PCDHA11: variants seen among roughly 807,000 people sequenced by gnomAD.
PCDHA11 encodes the protein protocadherin alpha 11.
In PCDHA11, 61 loss-of-function variants were observed where a neutral mutation model predicts 70.3. The observed-to-expected ratio is 0.87, with a 90% confidence interval of 0.71 to 1.07. The LOEUF (loss-of-function observed/expected upper bound fraction) is 1.07, where lower values mean the gene tolerates loss of function less well. Among genes scored for constraint, PCDHA11 ranks in the 50% least tolerant of loss-of-function variants. The pLI is 0.00. For synonymous variants in PCDHA11, 633 were observed against 555.1 expected, an observed-to-expected ratio of 1.14 and a Z score of -1.97; for missense variants, 1,324 against 1,237.5, an observed-to-expected ratio of 1.07 and a Z score of -1.05.
chr5:140,897,461 A>G (rs1374397258), intron 1 of PCDHA11, among the ~76,000 whole-genome samples: 5 of 151,630 alleles, frequency 3.3e-5, no homozygotes, highest in African/African-American at 4.8e-5. Flanking sequence ...TCCTTGCGAT[A>G]GTTTACTGAG....
chr5:140,959,085 G>A (rs1286885776), intron 1 of PCDHA11, among the ~76,000 whole-genome samples: 8 of 151,980 alleles, frequency 5.3e-5, no homozygotes, highest in African/African-American at 1.9e-4. Flanking sequence ...ATTATCCTTG[G>A]TTTCGGACAT....
chr5:140,895,733 G>C (rs1554186620), intron 1 of PCDHA11, among the ~76,000 whole-genome samples: 1 of 152,030 alleles, frequency 6.6e-6, no homozygotes, highest in Non-Finnish European at 1.5e-5. Context: ...CCATTCAATG[G>C]GCTGCAAAGG....
chr5:140,958,799 C>T (rs889190378), intron 1 of PCDHA11, among the ~76,000 whole-genome samples: 3 of 152,104 alleles, frequency 2.0e-5, no homozygotes, highest in African/African-American at 7.2e-5. Context: ...AGTAAATTAT[C>T]ACACCATTCT....
At chr5:140,889,054 T>C in intron 1 of PCDHA11, among the ~76,000 whole-genome samples, 1 of 152,100 alleles carries the variant, frequency 6.6e-6, no homozygotes, top group Non-Finnish European at 1.5e-5. Flanking sequence ...TTTATAATCC[T>C]TTTAATATAC....
intron 1 of PCDHA11, among the ~76,000 whole-genome samples, chr5:140,977,204 A>G (rs1051271481): frequency 9.9e-5 from 15 of 152,170 alleles, no homozygotes; most frequent in Non-Finnish European, 1.6e-4. Context: ...AGTTGCAGCA[A>G]TTTTCATCAT....
chr5:140,989,004 CTTA>C (rs1445940440), intron 3 of PCDHA11: 15 of 152,184 alleles, frequency 9.9e-5, no homozygotes, highest in African/African-American at 3.4e-4. Context: ...GAAATAGAGA[CTTA>C]TTATAGTTTC....
chr5:140,902,324 C>T (rs1554190388), intron 1 of PCDHA11, among the ~76,000 whole-genome samples: 1 of 151,472 alleles, frequency 6.6e-6, no homozygotes, highest in Non-Finnish European at 1.5e-5. Flanking sequence ...AGGTGTAACT[C>T]ACTTCGCCTG....
At chr5:140,998,696 C>G (rs1587806526) in intron 3 of PCDHA11, among the ~76,000 whole-genome samples, 1 of 152,182 alleles carries the variant, frequency 6.6e-6, no homozygotes, top group East Asian at 1.9e-4. Flanking sequence ...TCCCAAGTAG[C>G]TGGGATTACA....
intron 1 of PCDHA11, among the ~76,000 whole-genome samples, chr5:140,976,893 A>G (rs1240555240): frequency 2.0e-5 from 3 of 152,212 alleles, no homozygotes; most frequent in African/African-American, 7.2e-5. Context: ...GATACATGCA[A>G]CAGTATGTAA....
At chr5:140,987,429 G>A (rs1402576200) in intron 3 of PCDHA11, among the ~76,000 whole-genome samples, 1 of 152,096 alleles carries the variant, frequency 6.6e-6, no homozygotes, top group Non-Finnish European at 1.5e-5. Context: ...GAAGCAGGGG[G>A]CCTTTCCCCA....
At chr5:140,968,317 A>T (rs144335538) in intron 1 of PCDHA11, 17,308 of 1,614,002 alleles carry the variant, frequency 0.011, 130 homozygotes, top group Non-Finnish European at 0.013. Flanking sequence ...AAGGGCTGCC[A>T]GTCACCTCCT....
rs782278064 is a variant in PCDHA11 at position 140,869,205 on chromosome 5, C to A, written c.102C>A (p.Ser34=). The A allele has an allele frequency of 6.2e-7, 1 of 1,613,994 alleles. No individual in the cohort carries two copies. The highest frequency in any genetic ancestry group is 8.5e-7 in the Non-Finnish European group (1 of 1,179,948). Residue 34 remains serine (S), a synonymous_variant, in exon 1 of 4, where the codon TCC becomes TCA. Coordinates refer to ENST00000398640, the MANE Select transcript of PCDHA11 (RefSeq NM_018902.5). ...TGGGGAGCGGCCAGCTCCACTACTC[C>A]GTCTCGGAGGAGGCCAAACACGGCA... ...WEVGSGQLHY[S]VSEEAKHGTF...
chr5:140,875,206 A>G (rs1554167551), intron 1 of PCDHA11: 2 of 644,508 alleles, frequency 3.1e-6, no homozygotes, highest in South Asian at 3.9e-5. Context: ...AAGTGGCTAA[A>G]CCGAAAAGAA....
chr5:141,009,597 G>A (rs1284925593), intron 3 of PCDHA11, 30 bp from the exon 4 acceptor site: 1 of 1,605,790 alleles, frequency 6.2e-7, no homozygotes, highest in Non-Finnish European at 8.5e-7. Flanking sequence ...TGTTGACCCT[G>A]TTAATGATTT....
intron 1 of PCDHA11, among the ~76,000 whole-genome samples, chr5:140,935,679 T>C (rs2090497566): frequency 6.6e-6 from 1 of 152,190 alleles, no homozygotes; most frequent in South Asian, 2.1e-4. Context: ...GTGAAATATT[T>C]ACATGGCTCC....
chr5:140,879,468 C>T (rs1302590030), intron 1 of PCDHA11, among the ~76,000 whole-genome samples: 2 of 152,006 alleles, frequency 1.3e-5, no homozygotes, highest in African/African-American at 4.8e-5. Context: ...AAGAGAATAC[C>T]GTTGTGATTG....
intron 1 of PCDHA11, among the ~76,000 whole-genome samples, chr5:140,897,960 T>C (rs2066423336): frequency 6.6e-6 from 1 of 152,276 alleles, no homozygotes; most frequent in South Asian, 2.1e-4. Flanking sequence ...CATTTTTTCA[T>C]GTGTCTTTTG....
chr5:140,874,444 T>C (rs2054916108), intron 1 of PCDHA11, among the ~76,000 whole-genome samples: 1 of 152,222 alleles, frequency 6.6e-6, no homozygotes, highest in South Asian at 2.1e-4. Context: ...TCCTAACTAC[T>C]AAATGACCTG....
At chr5:140,915,012 C>T (rs2076943122) in intron 1 of PCDHA11, among the ~76,000 whole-genome samples, 1 of 144,844 alleles carries the variant, frequency 6.9e-6, no homozygotes, top group Non-Finnish European at 1.5e-5. Context: ...GTGGCCTGAT[C>T]TTGGCTCACT....
Sources: gnomAD v4.1 joint callset for allele counts (sites outside exome capture counted in the v4.1 genomes callset) on GRCh38, gnomAD v4.1.1 for gene constraint, MANE v1.5 for transcripts, NCBI Gene and HGNC (gene_info 2026-07-23, HGNC 2026-07-21) for gene names.